CRYZL1: variants seen among roughly 807,000 people sequenced by gnomAD.
CRYZL1 encodes the protein ferry endosomal RAB5 effector complex subunit 4.
Under a neutral mutation model 50.6 loss-of-function variants are expected in CRYZL1, and 34 were observed. The ratio of observed to expected loss-of-function variants is 0.67; its 90% CI spans 0.51 to 0.89. The LOEUF is 0.89. Among genes scored for constraint, CRYZL1 ranks in the 40% least tolerant of loss-of-function variants. CRYZL1 has a pLI of 0.00. For missense variants in CRYZL1, 354 were observed against 402.3 expected, an observed-to-expected ratio of 0.88 and a Z score of 1.03; for synonymous variants, 125 against 134.3, an observed-to-expected ratio of 0.93 and a Z score of 0.48.
chr21:33,636,553 T>C (rs540452828), intron 1 of CRYZL1, among the ~76,000 whole-genome samples: 1 of 152,290 alleles, frequency 6.6e-6, no homozygotes, highest in Middle Eastern at 3.4e-3. Context: ...GTAAACTTAC[T>C]AAAAAATCTG....
Position 33,616,753 on chromosome 21 carries a change from A to G in CRYZL1, c.218-3T>C. The G allele has an allele frequency of 6.3e-7, 1 of 1,599,312 alleles. No individual in the cohort carries two copies. The highest frequency in any genetic ancestry group is 8.5e-7 in the Non-Finnish European group (1 of 1,172,286). On this transcript the variant is annotated splice_region_variant and splice_polypyrimidine_tract_variant and intron_variant, in intron 4 of 12. Coordinates refer to ENST00000381554, the MANE Select transcript of CRYZL1 (RefSeq NM_145858.3). ...AAAGAATGATACCTTGCTTCCAACT[A>G]AAGAGTGAAGAAAATTAATAGTTAA...
intron 3 of CRYZL1, among the ~76,000 whole-genome samples, chr21:33,624,019 T>G (rs1160143787): frequency 6.6e-6 from 1 of 152,182 alleles, no homozygotes. Context: ...AGGTTTCTAG[T>G]TTCTATTTTA....
At chr21:33,605,526 A>ATTTTTTTTTTTTTTTTTTTTTT (rs1491420113) in intron 6 of CRYZL1, among the ~76,000 whole-genome samples, 1 of 14,112 alleles carries the variant, frequency 7.1e-5, no homozygotes, top group Non-Finnish European at 1.1e-4. Context: ...GCAGTACAAG[A>ATTTTTTTTTTTTTTTTTTTTTT]ATTCTTTTTT....
At chr21:33,638,813 C>A (rs1439829631) in intron 1 of CRYZL1, among the ~76,000 whole-genome samples, 1 of 152,100 alleles carries the variant, frequency 6.6e-6, no homozygotes, top group Non-Finnish European at 1.5e-5. Context: ...ATGGAAAATG[C>A]GTAACATTAG....
chr21:33,595,038 G>T, intron 11 of CRYZL1: 1 of 331,744 alleles, frequency 3.0e-6, no homozygotes, highest in Non-Finnish European at 4.4e-6. Context: ...ACCAAGTGCT[G>T]CTGCCTCTAA....
At chr21:33,617,539 G>A (rs1229760826) in intron 4 of CRYZL1, among the ~76,000 whole-genome samples, 3 of 152,150 alleles carry the variant, frequency 2.0e-5, no homozygotes, top group Non-Finnish European at 4.4e-5. Context: ...ATTTGGCCGG[G>A]AGCTTCGGCA....
intron 1 of CRYZL1, among the ~76,000 whole-genome samples, chr21:33,637,449 A>G (rs2145966874): frequency 6.6e-6 from 1 of 151,314 alleles, no homozygotes; most frequent in Admixed American, 6.6e-5. Flanking sequence ...TGTCTCAAAA[A>G]AAAAAAAAAA....
chr21:33,599,353 A>T, intron 8 of CRYZL1, 105 bp from the exon 9 acceptor site: 2 of 1,440,070 alleles, frequency 1.4e-6, no homozygotes, highest in South Asian at 1.2e-5. Context: ...TATTCTTGAA[A>T]TGAGTTAAGC....
intron 1 of CRYZL1, chr21:33,640,052 C>G: frequency 8.2e-7 from 1 of 1,225,436 alleles, no homozygotes; most frequent in South Asian, 1.4e-5. Flanking sequence ...TCTCGAACTC[C>G]TGGCCTCAAG....
chr21:33,597,476 T>C, intron 9 of CRYZL1, 75 bp from the exon 10 acceptor site: 1 of 1,151,794 alleles, frequency 8.7e-7, no homozygotes, highest in East Asian at 2.5e-5. Flanking sequence ...AAATTTATTC[T>C]TCAAACAAGT....
chr21:33,593,982 C>CAA (rs1167158360), intron 11 of CRYZL1, among the ~76,000 whole-genome samples: 31 of 48,910 alleles, frequency 6.3e-4, no homozygotes, highest in Non-Finnish European at 7.8e-4. Flanking sequence ...GACTCTGTCT[C>CAA]AAAAAAAAAA....
chr21:33,593,871 G>C (rs1395865334), intron 11 of CRYZL1, among the ~76,000 whole-genome samples: 1 of 149,228 alleles, frequency 6.7e-6, no homozygotes, highest in African/African-American at 2.5e-5. Flanking sequence ...TGTAATCCCA[G>C]CTACTCAGGA....
At chr21:33,602,395 A>G (rs1174889376) in intron 7 of CRYZL1, 50 bp from the exon 8 acceptor site, 1 of 744,774 alleles carries the variant, frequency 1.3e-6, no homozygotes. Flanking sequence ...AACAGAGGCC[A>G]TATCGAATTG....
intron 4 of CRYZL1, among the ~76,000 whole-genome samples, chr21:33,620,537 A>G (rs1035710651): frequency 1.3e-5 from 2 of 151,192 alleles, no homozygotes; most frequent in Non-Finnish European, 2.9e-5. Context: ...GGGGCCAGGG[A>G]TGGTGGCTCA....
At chr21:33,636,503 T>C (rs1001525588) in intron 1 of CRYZL1, among the ~76,000 whole-genome samples, 1 of 152,192 alleles carries the variant, frequency 6.6e-6, no homozygotes, top group Non-Finnish European at 1.5e-5. Flanking sequence ...AAACTGAGGA[T>C]TATGTTAGTA....
chr21:33,609,869 AT>A, intron 6 of CRYZL1, among the ~76,000 whole-genome samples: 1 of 150,212 alleles, frequency 6.7e-6, no homozygotes, highest in East Asian at 2.0e-4. Flanking sequence ...CGCCCGGCTA[AT>A]TTTTTTGTAT....
chr21:33,598,806 GTT>G (rs775141021), intron 9 of CRYZL1, among the ~76,000 whole-genome samples: 30 of 125,640 alleles, frequency 2.4e-4, no homozygotes, highest in Admixed American at 4.8e-4. Flanking sequence ...ACATTTTTGA[GTT>G]TTTTTTTTTT....
chr21:33,635,788 C>G (rs559591405), intron 1 of CRYZL1, among the ~76,000 whole-genome samples: 1 of 151,948 alleles, frequency 6.6e-6, no homozygotes, highest in African/African-American at 2.4e-5. Context: ...ACAGACCATC[C>G]TGGCCAAGAT....
At position 33,631,531 on chromosome 21, in the gene CRYZL1, T is replaced by C. The variant is rs2087137238; in HGVS notation, c.21A>G (p.Gln7=). Residue 7 remains glutamine (Q), a synonymous_variant, in exon 2 of 13, where the codon CAA becomes CAG. Coordinates refer to ENST00000381554, the MANE Select transcript of CRYZL1 (RefSeq NM_145858.3). ...TTATTTCTTCATCTGTGGAACTCTG[T>C]TGGAAATATAAGCCTTTCATAGTCA... MKGLYF[Q]QSSTDEEITF... 1.3e-6 allele frequency: 2 copies of C among 1,518,906 alleles called. No homozygotes were observed. The highest frequency in any genetic ancestry group is 1.8e-6 in the Non-Finnish European group (2 of 1,138,954). The allele number at this position is 1,518,906 out of a possible 1,614,324, so 94.1% of individuals were successfully genotyped here.
Sources: allele counts gnomAD v4.1 joint callset (sites outside exome capture counted in the v4.1 genomes callset), GRCh38; gene constraint gnomAD v4.1.1; transcripts MANE v1.5; gene names NCBI Gene and HGNC (gene_info 2026-07-23, HGNC 2026-07-21).